The following ANKFN1 variants were observed in gnomAD, a reference collection of about 807,000 sequenced individuals.
ANKFN1 encodes ankyrin repeat and fibronectin type-III domain-containing protein 1.
In ANKFN1, 74 loss-of-function variants were observed where a neutral mutation model predicts 108.7. That is an observed-to-expected ratio of 0.68 (90% confidence interval 0.56 to 0.83). The LOEUF (loss-of-function observed/expected upper bound fraction) is 0.83, where lower values mean the gene tolerates loss of function less well. ANKFN1 is among the 40% of genes least tolerant of loss of function. The pLI, the probability that ANKFN1 is intolerant of heterozygous loss-of-function variation, is 0.00. For synonymous variants in ANKFN1, 547 were observed against 516.2 expected, an observed-to-expected ratio of 1.06 and a Z score of -0.81; for missense variants, 1,505 against 1,382.3, an observed-to-expected ratio of 1.09 and a Z score of -1.41.
chr17:56,153,105 T>C (rs1908765540), upstream of ANKFN1, among the ~76,000 whole-genome samples: 1 of 152,164 alleles, frequency 6.6e-6, no homozygotes, highest in Admixed American at 6.5e-5. Context: ...CCTCTCTCAG[T>C]CTCACTCTCT....
At chr17:56,259,281 A>G (rs182911568) in intron 3 of ANKFN1, among the ~76,000 whole-genome samples, 10 of 152,260 alleles carry the variant, frequency 6.6e-5, no homozygotes, top group Non-Finnish European at 1.0e-4. Context: ...TCTATTTACA[A>G]ACTCTGTAAT....
intron 4 of ANKFN1, among the ~76,000 whole-genome samples, chr17:56,094,918 T>C (rs1275167410): frequency 6.6e-6 from 1 of 151,092 alleles, no homozygotes; most frequent in Admixed American, 6.6e-5. Flanking sequence ...TAGTGAATGC[T>C]GGCTATCATT....
intron 15 of ANKFN1, among the ~76,000 whole-genome samples, chr17:56,475,153 C>T (rs1306953334): frequency 1.3e-5 from 2 of 152,166 alleles, no homozygotes; most frequent in African/African-American, 4.8e-5. Context: ...ATAGCCTTAC[C>T]ATTAATTTCA....
intron 4 of ANKFN1, among the ~76,000 whole-genome samples, chr17:56,327,746 C>T (rs2045560773): frequency 6.6e-6 from 1 of 152,224 alleles, no homozygotes; most frequent in Admixed American, 6.5e-5. Flanking sequence ...CTGTGGATCT[C>T]TGTTCTGCCA....
At chr17:56,176,166 A>G (rs1312533220) in intron 1 of ANKFN1, among the ~76,000 whole-genome samples, 1 of 152,022 alleles carries the variant, frequency 6.6e-6, no homozygotes, top group Non-Finnish European at 1.5e-5. Context: ...AATGATGCGA[A>G]TCCATGTGGC....
At chr17:56,278,728 T>C (rs537199469) in intron 3 of ANKFN1, among the ~76,000 whole-genome samples, 61 of 152,360 alleles carry the variant, frequency 4.0e-4, no homozygotes, top group African/African-American at 1.5e-3. Context: ...AAGAGACAGC[T>C]TGAAAGACAT....
intron 4 of ANKFN1, among the ~76,000 whole-genome samples, chr17:56,342,380 T>G (rs1460926465): frequency 6.6e-6 from 1 of 151,914 alleles, no homozygotes; most frequent in East Asian, 1.9e-4. Context: ...TAGGTTTTTT[T>G]GTTGTGATGT....
intron 3 of ANKFN1, among the ~76,000 whole-genome samples, chr17:56,252,814 C>T (rs2043267005): frequency 6.6e-6 from 1 of 150,404 alleles, no homozygotes; most frequent in Non-Finnish European, 1.5e-5. Flanking sequence ...AATCCCACCA[C>T]TCTTGGAGCC....
upstream of ANKFN1, among the ~76,000 whole-genome samples, chr17:56,151,710 T>A (rs1207123193): frequency 6.6e-6 from 1 of 152,158 alleles, no homozygotes; most frequent in Non-Finnish European, 1.5e-5. Flanking sequence ...AGAGAGCTGG[T>A]TTTTATCCAT....
chr17:56,088,351 T>C (rs1905353204), intron 4 of ANKFN1, among the ~76,000 whole-genome samples: 1 of 151,474 alleles, frequency 6.6e-6, no homozygotes, highest in Middle Eastern at 3.4e-3. Context: ...TTGCTGGTGA[T>C]ACTGCATTTC....
At chr17:56,077,874 T>TA (rs1474083839) in intron 4 of ANKFN1, among the ~76,000 whole-genome samples, 2 of 152,238 alleles carry the variant, frequency 1.3e-5, no homozygotes, top group East Asian at 3.8e-4. Flanking sequence ...GCATGCCACT[T>TA]ACTTTACAAA....
rs906251071 is a variant in ANKFN1 at position 56,230,395 on chromosome 17, G to T, written c.53+2438G>T. On this transcript the variant is annotated intron_variant, in intron 3 of 20. Transcript: ENST00000682825. ...CATTTTCTCCTGACCCCTTCAAAGG[G>T]TTGTTGTGATAATCACATGATATAA... 6.6e-5 allele frequency among the ~76,000 whole-genome samples: 10 copies of T among 152,182 alleles called. No homozygotes were observed. The East Asian group carries it at 9.7e-4, about 15-fold the overall frequency.
chr17:56,509,919 G>T (rs2051689480), intron 20 of ANKFN1, among the ~76,000 whole-genome samples: 2 of 152,130 alleles, frequency 1.3e-5, no homozygotes, highest in Admixed American at 1.3e-4. Flanking sequence ...CTTTTTCTTC[G>T]ATTAACTGTT....
chr17:56,467,789 AAG>A (rs1268392042), intron 15 of ANKFN1, among the ~76,000 whole-genome samples: 1 of 86,788 alleles, frequency 1.2e-5, no homozygotes, highest in African/African-American at 8.1e-5. Flanking sequence ...GAAAGAAAGA[AAG>A]AAGAAAGAAA....
intron 4 of ANKFN1, among the ~76,000 whole-genome samples, chr17:56,103,612 G>A (rs1180018396): frequency 2.6e-5 from 4 of 152,280 alleles, no homozygotes; most frequent in Admixed American, 2.0e-4. Context: ...CCCAGCAGAT[G>A]TAGGATCTGC....
chr17:56,055,600 C>CACATAT (rs1567778636), intron 4 of ANKFN1, among the ~76,000 whole-genome samples: 2 of 33,604 alleles, frequency 6.0e-5, no homozygotes, highest in African/African-American at 2.6e-4. Context: ...TATATATACA[C>CACATAT]ATTTTTTTAT....
chr17:56,174,516 T>G, intron 1 of ANKFN1: 1 of 663,194 alleles, frequency 1.5e-6, no homozygotes, highest in African/African-American at 2.0e-5. Context: ...TCTGTGCCTT[T>G]GGGACAGCCT....
chr17:56,328,091 A>T (rs1225119047), intron 4 of ANKFN1, among the ~76,000 whole-genome samples: 3 of 152,340 alleles, frequency 2.0e-5, no homozygotes, highest in African/African-American at 4.8e-5. Flanking sequence ...AAAGGATTTT[A>T]AAAAATATTG....
rs575539754 is a variant in ANKFN1, at chr17:56,357,989, A to G, written c.601+3943A>G. On this transcript the variant is annotated intron_variant, in intron 6 of 20. Transcript: ENST00000682825. ...ACACAACAAAGTTAATAGGTGGTGC[A>G]GTCAGGATTTGAACCCAGATCTGTA... is the stretch of plus-strand genomic sequence containing the variant. 2.0e-5 allele frequency among the ~76,000 whole-genome samples: 3 copies of G among 152,314 alleles called. No individual in the cohort carries two copies. In the East Asian group the frequency reaches 5.8e-4, roughly 29 times the overall value.
Sources: allele counts gnomAD v4.1 joint callset (sites outside exome capture counted in the v4.1 genomes callset), GRCh38; gene constraint gnomAD v4.1.1; transcripts MANE v1.5; gene names NCBI Gene and HGNC (gene_info 2026-07-23, HGNC 2026-07-21).